Variants in PCDH7 observed in about 807,000 individuals in gnomAD.
The protein encoded by PCDH7 is protocadherin 7, also known as protocadherin-7.
Under a neutral mutation model 58.9 loss-of-function variants are expected in PCDH7, and 17 were observed. The observed-to-expected ratio is 0.29, with a 90% CI of 0.20 to 0.43. PCDH7 has a LOEUF of 0.43. Among genes scored for constraint, PCDH7 ranks in the 20% least tolerant of loss-of-function variants. The pLI is 1.00. For missense variants in PCDH7, 1,274 were observed against 1,441.0 expected (o/e 0.88, Z 1.88); for synonymous variants, 664 against 616.4 (o/e 1.08, Z -1.14).
At chr4:30,985,871 T>C (rs114255735) in intron 3 of PCDH7, among the ~76,000 whole-genome samples, 1 of 152,208 alleles carries the variant, frequency 6.6e-6, no homozygotes. Context: ...AATATTCCAT[T>C]GTCTTTTCAT....
At chr4:30,969,028 G>GTA (rs1749304688) in intron 3 of PCDH7, among the ~76,000 whole-genome samples, 1 of 152,020 alleles carries the variant, frequency 6.6e-6, no homozygotes, top group Non-Finnish European at 1.5e-5. Context: ...CATTTTGTAC[G>GTA]TACTCTCGGT....
At chr4:30,968,382 A>ATACACACAC (rs1749226859) in intron 3 of PCDH7, among the ~76,000 whole-genome samples, 1 of 49,520 alleles carries the variant, frequency 2.0e-5, no homozygotes, top group African/African-American at 1.6e-4. Flanking sequence ...CACACTATAT[A>ATACACACAC]TATATATATA....
At chr4:30,787,062 A>G (rs1198431633) in intron 1 of PCDH7, among the ~76,000 whole-genome samples, 2 of 152,102 alleles carry the variant, frequency 1.3e-5, no homozygotes, top group African/African-American at 2.4e-5. Context: ...AATCTTATCA[A>G]TTACTGTGGG....
chr4:31,033,266 T>C (rs919021755), intron 3 of PCDH7, among the ~76,000 whole-genome samples: 1 of 152,206 alleles, frequency 6.6e-6, no homozygotes, highest in African/African-American at 2.4e-5. Flanking sequence ...GCTCCATCAA[T>C]AGGTCTATCA....
chr4:30,741,890 T>C (rs1386894071), intron 1 of PCDH7, among the ~76,000 whole-genome samples: 1 of 152,108 alleles, frequency 6.6e-6, no homozygotes, highest in African/African-American at 2.4e-5. Context: ...TCAAGGAGGG[T>C]TCAAGAGAAG....
intron 1 of PCDH7, among the ~76,000 whole-genome samples, chr4:30,891,525 T>C (rs558725190): frequency 6.6e-6 from 1 of 152,174 alleles, no homozygotes; most frequent in East Asian, 1.9e-4. Context: ...GTTAGGATCT[T>C]GTTATCCTTT....
At chr4:30,817,069 C>A (rs1727778523) in intron 1 of PCDH7, among the ~76,000 whole-genome samples, 1 of 152,100 alleles carries the variant, frequency 6.6e-6, no homozygotes, top group South Asian at 2.1e-4. Context: ...TTTGGCTATG[C>A]AATCTCTATT....
chr4:30,965,299 G>T (rs1748903843), intron 3 of PCDH7, among the ~76,000 whole-genome samples: 1 of 152,056 alleles, frequency 6.6e-6, no homozygotes, highest in South Asian at 2.1e-4. Context: ...ATCAAGCAAG[G>T]CATGCAGATA....
chr4:31,098,732 A>T (rs1714502073), intron 3 of PCDH7, among the ~76,000 whole-genome samples: 1 of 152,226 alleles, frequency 6.6e-6, no homozygotes, highest in Non-Finnish European at 1.5e-5. Context: ...TTAACTAGAT[A>T]TGTACAGTAC....
At chr4:31,105,436 A>G (rs554408920) in intron 3 of PCDH7, among the ~76,000 whole-genome samples, 79 of 152,244 alleles carry the variant, frequency 5.2e-4, no homozygotes, top group African/African-American at 1.8e-3. Flanking sequence ...CCACATACAT[A>G]TGTATAAGAA....
chr4:30,954,167 A>G (rs186148950), intron 3 of PCDH7, among the ~76,000 whole-genome samples: 18 of 152,316 alleles, frequency 1.2e-4, no homozygotes, highest in Non-Finnish European at 2.2e-4. Context: ...GGCCCTGCAC[A>G]TCTGACTTTC....
At chr4:30,794,750 C>T (rs999418918) in intron 1 of PCDH7, among the ~76,000 whole-genome samples, 8 of 151,548 alleles carry the variant, frequency 5.3e-5, no homozygotes, top group Admixed American at 2.0e-4. Context: ...TTAATACAAT[C>T]GATTGAAAGT....
rs766192873 is a variant in PCDH7, at chr4:31,142,465, G to T, written c.*8-8G>T. 122 of 1,364,300 alleles carry T rather than the reference G, an allele frequency of 8.9e-5. No individual in the cohort carries two copies. Among genetic ancestry groups the T allele is most frequent in the Non-Finnish European group, 1.2e-4 (120 of 1,020,260 alleles). 84.5% of individuals were successfully genotyped at this position (1,364,300 alleles called of 1,614,324 possible). On this transcript the variant is annotated splice_polypyrimidine_tract_variant and splice_region_variant and intron_variant, in intron 3 of 3. Coordinates refer to the PCDH7 transcript ENST00000509759. ...AAATACTAATGGCTTATTCTCCTTG[G>T]ATTTCAGATTCAAGGCCTCTTCCAG...
intron 1 of PCDH7, among the ~76,000 whole-genome samples, chr4:30,727,334 T>C (rs1041663668): frequency 7.2e-5 from 11 of 151,948 alleles, no homozygotes; most frequent in African/African-American, 2.7e-4. Context: ...TTAAACAGCT[T>C]TGTAGAAATG....
At chr4:30,895,870 T>C (rs890475177) in intron 1 of PCDH7, among the ~76,000 whole-genome samples, 1 of 152,208 alleles carries the variant, frequency 6.6e-6, no homozygotes, top group African/African-American at 2.4e-5. Context: ...CAGGAGGGAA[T>C]GTGAGAAATG....
At chr4:30,922,078 CAT>C (rs1363430415) in intron 2 of PCDH7, among the ~76,000 whole-genome samples, 1 of 151,402 alleles carries the variant, frequency 6.6e-6, no homozygotes, top group Non-Finnish European at 1.5e-5. Flanking sequence ...TATGTAGTCA[CAT>C]GTACTATAGT....
chr4:30,803,578 C>T lies in PCDH7; in HGVS notation c.70+78982C>T, dbSNP rs574871300. Among the ~76,000 whole-genome samples the T allele has an allele frequency of 4.6e-5, 7 of 152,248 alleles. No homozygotes were observed. In the South Asian group the frequency reaches 1.5e-3, roughly 32 times the overall value. ...TCAGCCTTCCTCACTGCTGGGACTA[C>T]AGGTGCATATCCCTATGCCCAAGTA... On this transcript the variant is annotated intron_variant, in intron 1 of 3. Coordinates refer to the PCDH7 transcript ENST00000509759.
chr4:31,015,228 A>T (rs2109158783), intron 3 of PCDH7, among the ~76,000 whole-genome samples: 1 of 152,282 alleles, frequency 6.6e-6, no homozygotes, highest in Non-Finnish European at 1.5e-5. Context: ...CTGTCAGAAA[A>T]TCAGAATGCA....
chr4:30,822,025 G>C (rs1728438782), intron 1 of PCDH7, among the ~76,000 whole-genome samples: 1 of 152,116 alleles, frequency 6.6e-6, no homozygotes, highest in Admixed American at 6.6e-5. Flanking sequence ...TAGCAGCATA[G>C]TAACTGGTGA....
Sources: gnomAD v4.1 joint callset for allele counts (sites outside exome capture counted in the v4.1 genomes callset) on GRCh38, gnomAD v4.1.1 for gene constraint, MANE v1.5 for transcripts, NCBI Gene and HGNC (gene_info 2026-07-23, HGNC 2026-07-21) for gene names.